Variants in MYO6 observed in about 807,000 individuals in gnomAD.
MYO6 encodes myosin VI.
Under a neutral mutation model 178.7 loss-of-function variants are expected in MYO6, and 74 were observed. The observed-to-expected ratio is 0.41, with a 90% CI of 0.34 to 0.50. MYO6 has a LOEUF of 0.50. Ranked by LOEUF, MYO6 falls within the 20% of genes least tolerant of loss-of-function variation. The pLI is 0.09. For missense variants in MYO6, 1,330 were observed against 1,547.4 expected (o/e 0.86, Z 2.36); for synonymous variants, 477 against 504.6 (o/e 0.95, Z 0.73).
At chr6:75,754,519 CAAAAAAAAAAAA>C (rs58162315) in intron 1 of MYO6, among the ~76,000 whole-genome samples, 1 of 44,176 alleles carries the variant, frequency 2.3e-5, no homozygotes, top group Non-Finnish European at 3.3e-5. Context: ...GACTCCGTCT[CAAAAAAAAAAAA>C]AAAAAAAAAA....
chr6:75,886,946 G>C lies in MYO6; in HGVS notation c.2610G>C (p.Gln870His). 3 of 1,613,710 alleles carry C rather than the reference G, an allele frequency of 1.9e-6. No homozygotes were observed. Among genetic ancestry groups the C allele is most frequent in the South Asian group, 1.1e-5 (1 of 91,056 alleles). ...LKDGKPEMNKQIKNLEISIDT... is the reference protein window; with the variant it reads ...LKDGKPEMNKHIKNLEISIDT... ...ATGGAAAACCCGAGATGAATAAACA[G>C]ATCAAGAATCTGGAAATTTCTATTG... is the stretch of plus-strand genomic sequence containing the variant. The change falls in exon 25 of 35, where the codon CAG becomes CAC. Residue 870 changes from glutamine to histidine, a missense_variant. By Grantham distance (24) the Gln-to-His change is conservative. Transcript: ENST00000369977.
rs953507825 is a variant in MYO6, at chr6:75,894,719, A to G, written c.3108-512A>G. On this transcript the variant is annotated intron_variant, in intron 28 of 34. Coordinates refer to ENST00000369977, the MANE Select transcript of MYO6 (RefSeq NM_004999.4). ...GAACTAAGTAAACTGTTCTTAATCT[A>G]TAGCATGATGTTGTTGGGTTCTATG... The G allele has an allele frequency of 5.4e-6, 4 of 746,388 alleles. No homozygotes were observed. The African/African-American group carries it at 5.5e-5, about 10-fold the overall frequency. 46.2% of individuals were successfully genotyped at this position (746,388 alleles called of 1,614,324 possible).
intron 1 of MYO6, among the ~76,000 whole-genome samples, chr6:75,769,296 G>C (rs924298724): frequency 1.3e-5 from 2 of 152,144 alleles, no homozygotes; most frequent in African/African-American, 4.8e-5. Flanking sequence ...ACTCATTCCA[G>C]CAAGACCAAA....
chr6:75,883,379 G>A (rs1778194544), intron 23 of MYO6, among the ~76,000 whole-genome samples: 1 of 152,136 alleles, frequency 6.6e-6, no homozygotes, highest in South Asian at 2.1e-4. Flanking sequence ...TTGAAGTCTT[G>A]TACCACGAAT....
chr6:75,907,185 G>A (rs372343788), intron 30 of MYO6, among the ~76,000 whole-genome samples: 1 of 152,142 alleles, frequency 6.6e-6, no homozygotes, highest in Non-Finnish European at 1.5e-5. Flanking sequence ...GCACTGTGCA[G>A]CCTCATTGCT....
In MYO6 at chr6:75,894,781, G is replaced by A. The variant is rs554096523; in HGVS notation, c.3108-450G>A. 59 of 1,477,650 alleles carry A rather than the reference G, an allele frequency of 4.0e-5. No individual in the cohort carries two copies. In the African/African-American group the frequency reaches 7.9e-4, roughly 20 times the overall value. 91.5% of individuals were successfully genotyped at this position (1,477,650 alleles called of 1,614,324 possible). A position where few individuals can be genotyped will look rare whatever the true frequency, so the allele number is the denominator to read the frequency against. ...AATGTATATATTATAGATAGATTCT[G>A]CTTCAATAAGCAATTTTAAGTTACT... is the stretch of plus-strand genomic sequence containing the variant. On this transcript the variant is annotated intron_variant, in intron 28 of 34. Transcript: ENST00000369977.
intron 2 of MYO6, among the ~76,000 whole-genome samples, chr6:75,818,868 T>TA (rs3839377): frequency 0.035 from 5,219 of 149,182 alleles, 98 homozygotes; most frequent in Non-Finnish European, 0.052. Flanking sequence ...AGTACATGTT[T>TA]AAAAAAAAAA....
chr6:75,830,179 A>G (rs558514017), intron 4 of MYO6, among the ~76,000 whole-genome samples: 4 of 152,290 alleles, frequency 2.6e-5, no homozygotes, highest in African/African-American at 9.6e-5. Context: ...TTGAGTTTGG[A>G]TATGCCGAAC....
At chr6:75,780,816 CT>C (rs1012295485) in intron 1 of MYO6, among the ~76,000 whole-genome samples, 5 of 145,406 alleles carry the variant, frequency 3.4e-5, no homozygotes, top group South Asian at 2.2e-4. Context: ...TTTTTTTTTT[CT>C]TTTTTTTTGA....
intron 5 of MYO6, 43 bp downstream of exon 5, chr6:75,830,588 A>G (rs1370079683): frequency 6.4e-7 from 1 of 1,564,844 alleles, no homozygotes; most frequent in East Asian, 2.3e-5. Context: ...CTTTCTTTAT[A>G]TTGTACAAAT....
chr6:75,875,337 C>T (rs1056990001), intron 20 of MYO6, among the ~76,000 whole-genome samples: 1 of 152,166 alleles, frequency 6.6e-6, no homozygotes, highest in African/African-American at 2.4e-5. Context: ...TGCAGTGGCA[C>T]AATCATGGCT....
intron 31 of MYO6, 104 bp downstream of exon 31, chr6:75,907,812 G>T: frequency 1.2e-6 from 1 of 800,972 alleles, no homozygotes; most frequent in Non-Finnish European, 2.1e-6. Flanking sequence ...GTGTGTGTGT[G>T]TGTGTATGTG....
At chr6:75,835,779 CA>C in intron 6 of MYO6, 121 bp from the exon 7 acceptor site, 2 of 683,366 alleles carry the variant, frequency 2.9e-6, no homozygotes, top group Non-Finnish European at 5.3e-6. Context: ...AGAATAGTTG[CA>C]TTTAATTACA....
intron 14 of MYO6, among the ~76,000 whole-genome samples, chr6:75,859,740 A>C (rs1351872360): frequency 7.3e-6 from 1 of 136,098 alleles, no homozygotes; most frequent in African/African-American, 2.8e-5. Context: ...GCTCACTGCA[A>C]CCTCTGCCTC....
chr6:75,818,323 G>T (rs970151299), intron 2 of MYO6, among the ~76,000 whole-genome samples: 1 of 152,144 alleles, frequency 6.6e-6, no homozygotes, highest in Non-Finnish European at 1.5e-5. Flanking sequence ...AGTCTTCATG[G>T]AGACTGATAC....
At position 75,817,493 on chromosome 6, in the gene MYO6, TGAAACAGGTGACAGTGGATAGTG is replaced by T; in HGVS notation, c.-46_-24del. 1.5e-6 allele frequency: 2 copies of T among 1,341,910 alleles called. No homozygotes were observed. The highest frequency in any genetic ancestry group is 2.1e-6 in the Non-Finnish European group (2 of 931,876). 83.1% of individuals were successfully genotyped at this position (1,341,910 alleles called of 1,614,324 possible). A position where few individuals can be genotyped will look rare whatever the true frequency, so the allele number is the denominator to read the frequency against. On this transcript the variant is annotated splice_acceptor_variant and splice_polypyrimidine_tract_variant and 5_prime_UTR_variant and intron_variant, in exon 2 of 35. Transcript: ENST00000369977. LOFTEE classifies it low-confidence loss of function (5UTR_SPLICE). Reference sequence around the variant, plus strand: ...ATTCATGTTGCTGTATTTGTTCCTTTGAAACAGGTGACAGTGGATAGTGGAAACAGGAGATCGTGGATCCTCCT... The same window carrying T: ...ATTCATGTTGCTGTATTTGTTCCTTTGAAACAGGAGATCGTGGATCCTCCT...
chr6:75,882,436 A>G (rs978926071), intron 23 of MYO6, among the ~76,000 whole-genome samples: 1 of 152,116 alleles, frequency 6.6e-6, no homozygotes, highest in Non-Finnish European at 1.5e-5. Flanking sequence ...GTCTTTCAAG[A>G]TCATGTAAAA....
intron 1 of MYO6, among the ~76,000 whole-genome samples, chr6:75,785,769 A>G (rs1476549030): frequency 6.6e-6 from 1 of 151,920 alleles, no homozygotes; most frequent in Non-Finnish European, 1.5e-5. Context: ...GATGTGCAGT[A>G]GGACTCAAAT....
intron 1 of MYO6, among the ~76,000 whole-genome samples, chr6:75,816,563 A>G (rs1260843273): frequency 1.3e-5 from 2 of 152,222 alleles, no homozygotes; most frequent in Admixed American, 6.5e-5. Context: ...GTCAACTTGT[A>G]TACTTAGATT....
Sources: allele counts gnomAD v4.1 joint callset (sites outside exome capture counted in the v4.1 genomes callset), GRCh38; gene constraint gnomAD v4.1.1; transcripts MANE v1.5; gene names NCBI Gene and HGNC (gene_info 2026-07-23, HGNC 2026-07-21).